The following DNAH17 variants were observed in gnomAD, a reference collection of about 807,000 sequenced individuals.
DNAH17 encodes the protein dynein axonemal heavy chain 17.
DNAH17 carries 376 observed loss-of-function variants against 485.6 expected under a neutral mutation model. That is an observed-to-expected ratio of 0.77 (90% CI 0.71 to 0.84). DNAH17 has a LOEUF of 0.84. DNAH17 is among the 40% of genes least tolerant of loss of function. The pLI, the probability that DNAH17 is intolerant of heterozygous loss-of-function variation, is 0.00. For synonymous variants in DNAH17, 3,031 were observed against 2,405.9 expected, an observed-to-expected ratio of 1.26 and a Z score of -7.60; for missense variants, 6,370 against 5,839.3, an observed-to-expected ratio of 1.09 and a Z score of -2.96.
intron 37 of DNAH17, among the ~76,000 whole-genome samples, chr17:78,497,673 G>T (rs1350364444): frequency 6.6e-6 from 1 of 152,222 alleles, no homozygotes; most frequent in Non-Finnish European, 1.5e-5. Context: ...CAGCCCTGGG[G>T]CTGGGGAATG....
intron 33 of DNAH17, 83 bp downstream of exon 33, chr17:78,502,508 G>T: frequency 7.6e-7 from 1 of 1,310,620 alleles, no homozygotes; most frequent in Non-Finnish European, 1.0e-6. Flanking sequence ...TCGCCCGGCA[G>T]GTTTCAGAAG....
intron 48 of DNAH17, 129 bp downstream of exon 48, chr17:78,484,739 A>ACCCCCCAGGCCCCCCCCCCCCCCC: frequency 2.9e-5 from 10 of 347,796 alleles, no homozygotes; most frequent in East Asian, 6.2e-5. Flanking sequence ...ACGTTGCAGC[A>ACCCCCCAGGCCCCCCCCCCCCCCC]CCCCCCCCAC....
chr17:78,442,970 C>G (rs2087132382), intron 71 of DNAH17, among the ~76,000 whole-genome samples: 1 of 152,202 alleles, frequency 6.6e-6, no homozygotes, highest in Non-Finnish European at 1.5e-5. Context: ...GCGACCCCCT[C>G]CCTATACAAT....
chr17:78,536,018 T>C (rs757834595), intron 19 of DNAH17, among the ~76,000 whole-genome samples: 2 of 152,184 alleles, frequency 1.3e-5, no homozygotes, highest in Non-Finnish European at 2.9e-5. Context: ...TTTGTTGTCC[T>C]TCCTACCCCA....
Position 78,575,120 on chromosome 17 carries a change from C to T in DNAH17, c.-25-38G>A, listed in dbSNP as rs545727322. ...CAAGAAACAGGTACGAACTGTCTCC[C>T]GGGCTCCCCAATTTCCCACCCATCC... is the stretch of plus-strand genomic sequence containing the variant. On this transcript the variant is annotated intron_variant, in intron 1 of 80. Transcript: ENST00000389840. The T allele has an allele frequency of 2.2e-5, 30 of 1,370,446 alleles. No homozygotes were observed. The East Asian group carries it at 4.0e-4, about 18-fold the overall frequency. 84.9% of individuals were successfully genotyped at this position (1,370,446 alleles called of 1,614,324 possible). A position where few individuals can be genotyped will look rare whatever the true frequency, so the allele number is the denominator to read the frequency against.
chr17:78,562,839 G>A lies in DNAH17; in HGVS notation c.1570-859C>T, dbSNP rs534032435. On this transcript the variant is annotated intron_variant, in intron 11 of 80. Coordinates refer to ENST00000389840, the MANE Select transcript of DNAH17 (RefSeq NM_173628.4). ...TGTTTCGCTCTGAGAAAGCTCTGGG[G>A]GTCAGACCAAGTGGGAGGGGGACCA... is the stretch of plus-strand genomic sequence containing the variant. Among the ~76,000 whole-genome samples, 51 of 152,310 alleles carry A rather than the reference G, an allele frequency of 3.3e-4. 1 individual carries two copies. Among genetic ancestry groups the A allele is most frequent in the African/African-American group, 9.4e-4 (39 of 41,564 alleles).
At chr17:78,453,101 C>T (rs910487351) in intron 65 of DNAH17, among the ~76,000 whole-genome samples, 6 of 152,228 alleles carry the variant, frequency 3.9e-5, no homozygotes, top group Admixed American at 6.5e-5. Flanking sequence ...CAAGCCTCCC[C>T]ATCTGGAGGC....
intron 30 of DNAH17, among the ~76,000 whole-genome samples, chr17:78,505,847 G>A (rs1205095960): frequency 1.3e-5 from 2 of 151,996 alleles, no homozygotes; most frequent in Non-Finnish European, 2.9e-5. Flanking sequence ...ACGTGGTGGT[G>A]CATGCCTGTA....
intron 73 of DNAH17, among the ~76,000 whole-genome samples, chr17:78,438,113 C>T (rs1019343567): frequency 1.3e-5 from 2 of 151,972 alleles, no homozygotes; most frequent in South Asian, 4.1e-4. Context: ...GAATTGCAAA[C>T]CTCCAGCCTT....
At chr17:78,470,984 G>A (rs761836892) in intron 54 of DNAH17, among the ~76,000 whole-genome samples, 1 of 152,142 alleles carries the variant, frequency 6.6e-6, no homozygotes, top group Non-Finnish European at 1.5e-5. Context: ...TTTTGAATAT[G>A]CCATTTCCAT....
chr17:78,531,018 T>C (rs141182993), intron 20 of DNAH17, among the ~76,000 whole-genome samples: 163 of 152,346 alleles, frequency 1.1e-3, no homozygotes, highest in African/African-American at 3.8e-3. Flanking sequence ...GCATTCTTTC[T>C]GCAGCTGTTG....
chr17:78,484,739 A>ACCCCCCCTGCCCCC, intron 48 of DNAH17, 129 bp downstream of exon 48: 2 of 347,794 alleles, frequency 5.8e-6, no homozygotes, highest in South Asian at 4.2e-5. Flanking sequence ...ACGTTGCAGC[A>ACCCCCCCTGCCCCC]CCCCCCCCAC....
chr17:78,442,362 C>A (rs972807218), intron 71 of DNAH17, among the ~76,000 whole-genome samples: 2 of 152,220 alleles, frequency 1.3e-5, no homozygotes, highest in African/African-American at 4.8e-5. Context: ...CTGCACTGGC[C>A]TTTGCTGGCT....
chr17:78,506,681 T>C (rs755812793), intron 30 of DNAH17, 39 bp downstream of exon 30: 3 of 1,613,054 alleles, frequency 1.9e-6, no homozygotes, highest in Non-Finnish European at 2.5e-6. Flanking sequence ...TCTGGCATGA[T>C]GTTGGCTTAA....
intron 37 of DNAH17, chr17:78,497,160 T>A (rs2090104835): frequency 6.6e-6 from 1 of 152,126 alleles, no homozygotes; most frequent in African/African-American, 2.4e-5. Flanking sequence ...TATCAGACAG[T>A]CTTGAAGGCC....
chr17:78,500,461 C>T lies in DNAH17; in HGVS notation c.5484G>A (p.Arg1828=). The change falls in exon 36 of 81, where the codon AGG becomes AGA. Residue 1828 remains arginine, a splice_region_variant and synonymous_variant. Transcript: ENST00000389840. ...GGGACTGGGTCAGGGTGATATAGCA[C>T]CTGCAAGTGACCACAGGTAAGCGTG... is the stretch of plus-strand genomic sequence containing the variant. The part of the protein sequence containing the change: ...PRLVITPLTD[R]CYITLTQSLH... 6.4e-7 allele frequency: 1 copy of T among 1,566,670 alleles called. No homozygotes were observed. The highest frequency in any genetic ancestry group is 1.4e-5 in the African/African-American group (1 of 72,478).
Position 78,490,716 on chromosome 17 carries a change from G to T in DNAH17, c.6801C>A (p.Ala2267=), listed in dbSNP as rs61741536. 3.1e-6 allele frequency: 5 copies of T among 1,608,150 alleles called. No individual in the cohort carries two copies. Among genetic ancestry groups the T allele is most frequent in the Admixed American group, 3.4e-5 (2 of 59,152 alleles). ...CCACTCACGGGTTCCATCCCAGGTC[G>T]GCTGGGTTGATGTAGAGGATGCCGG... ...SRAGILYINP[A]DLGWNPVVSS... Residue 2267 remains alanine (A), a synonymous_variant, in exon 44 of 81, where the codon GCC becomes GCA. Coordinates refer to ENST00000389840, the MANE Select transcript of DNAH17 (RefSeq NM_173628.4).
intron 76 of DNAH17, 149 bp downstream of exon 76, chr17:78,428,972 C>T (rs1362997338): frequency 2.8e-5 from 19 of 675,976 alleles, no homozygotes; most frequent in Non-Finnish European, 4.3e-5. Context: ...CCTTGTGCTT[C>T]TTCCAAGTGA....
chr17:78,434,328 G>C, intron 74 of DNAH17, 108 bp from the exon 75 acceptor site: 1 of 1,000,980 alleles, frequency 1.0e-6, no homozygotes, highest in Non-Finnish European at 1.4e-6. Flanking sequence ...TTGCTAGGGT[G>C]GGGGCGGTGG....
Sources: allele counts gnomAD v4.1 joint callset (sites outside exome capture counted in the v4.1 genomes callset), GRCh38; gene constraint gnomAD v4.1.1; transcripts MANE v1.5; gene names NCBI Gene and HGNC (gene_info 2026-07-23, HGNC 2026-07-21).